The following MAP2K3 variants were observed in gnomAD, a reference collection of about 807,000 sequenced individuals.
MAP2K3 encodes the protein dual specificity mitogen-activated protein kinase kinase 3.
A neutral mutation model predicts 46.4 loss-of-function variants in MAP2K3; 30 were observed. The observed-to-expected ratio is 0.65, with a 90% CI of 0.48 to 0.88. MAP2K3 has a LOEUF of 0.88. MAP2K3 is among the 40% of genes least tolerant of loss of function. MAP2K3 has a pLI of 0.00. For missense variants in MAP2K3, 380 were observed against 464.5 expected, an observed-to-expected ratio of 0.82 and a Z score of 1.67; for synonymous variants, 189 against 176.3, an observed-to-expected ratio of 1.07 and a Z score of -0.57.
At chr17:21,302,418 C>T (rs551804954) in intron 6 of MAP2K3, among the ~76,000 whole-genome samples, 159 bp downstream of exon 6, 18 of 152,418 alleles carry the variant, frequency 1.2e-4, no homozygotes, top group African/African-American at 4.3e-4. Flanking sequence ...AGGCCCTTCT[C>T]CTCCACCCCA....
At chr17:21,298,315 C>T in intron 1 of MAP2K3, 98 bp from the exon 2 acceptor site, 1 of 1,549,310 alleles carries the variant, frequency 6.5e-7, no homozygotes, top group Non-Finnish European at 8.9e-7. Flanking sequence ...ATGGCAGAGG[C>T]TGGCACCCTT....
rs996449350 is a variant in MAP2K3, at chr17:21,295,899, TGGACCCCACAG to T, written c.50-2510_50-2500del. 3.1e-6 allele frequency: 4 copies of T among 1,273,482 alleles called. No homozygotes were observed. In the Admixed American group the frequency reaches 9.3e-5, roughly 30 times the overall value. 78.9% of individuals were successfully genotyped at this position (1,273,482 alleles called of 1,614,324 possible). A position where few individuals can be genotyped will look rare whatever the true frequency, so the allele number is the denominator to read the frequency against. On this transcript the variant is annotated intron_variant, in intron 1 of 11. Coordinates refer to ENST00000342679, the MANE Select transcript of MAP2K3 (RefSeq NM_145109.3). ...GAGAGAGTGCAGGGAGGGTGTGGCG[TGGACCCCACAG>T]GGAAAGGGTGGGACTCAAGGGGCTG...
In MAP2K3 at chr17:21,284,804, C is replaced by G; in HGVS notation, c.-117C>G. ...GTCGCCGCCGCCGCCGCCGCCGCCG[C>G]CGCTGCTCCTCCGCCTGGCCTGGGC... On this transcript the variant is annotated 5_prime_UTR_variant, in exon 1 of 12. Coordinates refer to ENST00000342679, the MANE Select transcript of MAP2K3 (RefSeq NM_145109.3). 8.2e-7 allele frequency: 1 copy of G among 1,215,432 alleles called. No individual in the cohort carries two copies. The allele number at this position is 1,215,432 out of a possible 1,614,324, so 75.3% of individuals were successfully genotyped here.
intron 1 of MAP2K3, among the ~76,000 whole-genome samples, chr17:21,292,926 AC>A (rs1785118044): frequency 1.3e-5 from 2 of 152,306 alleles, no homozygotes; most frequent in African/African-American, 2.4e-5. Context: ...GATTCTATAA[AC>A]CCTGGGCCTC....
chr17:21,303,527 T>G (rs1389305384), intron 7 of MAP2K3, among the ~76,000 whole-genome samples: 3 of 152,312 alleles, frequency 2.0e-5, no homozygotes, highest in Admixed American at 6.5e-5. Context: ...CATATAATCA[T>G]GTTCACACCC....
chr17:21,298,927 G>A lies in MAP2K3; in HGVS notation c.165+1G>A, dbSNP rs762048822. The stretch of plus-strand genomic sequence containing the variant: ...GACCTTCATCACCATTGGAGACAGA[G>A]TAGGTGCCAGCCGCCACCCCTGCAG... On this transcript the variant is annotated splice_donor_variant, in intron 3 of 11. Transcript: ENST00000342679. LOFTEE classifies it high-confidence loss of function. The A allele has an allele frequency of 3.7e-6, 6 of 1,614,246 alleles. No individual in the cohort carries two copies. The highest frequency in any genetic ancestry group is 3.3e-4 in the Middle Eastern group (2 of 6,062).
At chr17:21,293,615 A>G (rs1428448193) in intron 1 of MAP2K3, among the ~76,000 whole-genome samples, 1 of 152,310 alleles carries the variant, frequency 6.6e-6, no homozygotes, top group Non-Finnish European at 1.5e-5. Context: ...CCTGTAGGGT[A>G]GAGAGGTGGG....
At chr17:21,298,774 A>G in intron 2 of MAP2K3, 104 bp from the exon 3 acceptor site, 1 of 1,549,774 alleles carries the variant, frequency 6.5e-7, no homozygotes, top group Non-Finnish European at 8.9e-7. Flanking sequence ...CCGGGGCAGG[A>G]GGCACCTCGT....
intron 3 of MAP2K3, 93 bp downstream of exon 3, chr17:21,299,019 T>G: frequency 1.3e-6 from 2 of 1,572,978 alleles, no homozygotes; most frequent in Non-Finnish European, 1.7e-6. Flanking sequence ...GGGAGGTGAC[T>G]GAGGGGTCAG....
intron 1 of MAP2K3, among the ~76,000 whole-genome samples, chr17:21,295,354 C>T (rs1269983406): frequency 6.6e-6 from 1 of 152,312 alleles, no homozygotes; most frequent in Non-Finnish European, 1.5e-5. Context: ...TTCCTTGCCC[C>T]TGCCTGGGGG....
rs1453559867 is a variant in MAP2K3 at position 21,284,757 on chromosome 17, C to T, written c.-164C>T. 3.0e-6 allele frequency: 2 copies of T among 669,098 alleles called. No individual in the cohort carries two copies. Among genetic ancestry groups the T allele is most frequent in the South Asian group, 2.7e-5 (1 of 37,316 alleles). The allele number at this position is 669,098 out of a possible 1,614,324, so 41.4% of individuals were successfully genotyped here. ...GTCGCGGACTCGTCCTTGCTGCAGT[C>T]GCCGCCGCAGTCCTCGCCGCAGTCG... On this transcript the variant is annotated 5_prime_UTR_variant, in exon 1 of 12. Transcript: ENST00000342679.
At chr17:21,305,905 C>T (rs1976870333) in intron 9 of MAP2K3, among the ~76,000 whole-genome samples, 1 of 152,308 alleles carries the variant, frequency 6.6e-6, no homozygotes. Context: ...ATGGAGTGTC[C>T]TGGGCGTCAG....
At chr17:21,308,470 TG>T (rs1191671648) in intron 9 of MAP2K3, among the ~76,000 whole-genome samples, 3 of 152,296 alleles carry the variant, frequency 2.0e-5, no homozygotes, top group African/African-American at 7.2e-5. Flanking sequence ...GCCTGGCCTG[TG>T]GCTGTAACTT....
intron 1 of MAP2K3, among the ~76,000 whole-genome samples, chr17:21,292,255 C>T (rs1975982727): frequency 6.6e-6 from 1 of 152,306 alleles, no homozygotes; most frequent in South Asian, 2.1e-4. Flanking sequence ...TTTGTTTCTT[C>T]TTTTCTTTAA....
At chr17:21,295,952 C>T in intron 1 of MAP2K3, 5 of 1,250,152 alleles carry the variant, frequency 4.0e-6, no homozygotes, top group Non-Finnish European at 5.2e-6. Context: ...AGGTCAAGGC[C>T]CAGGGTCTCT....
intron 9 of MAP2K3, among the ~76,000 whole-genome samples, chr17:21,310,193 G>A (rs1977098875): frequency 6.6e-6 from 1 of 152,008 alleles, no homozygotes; most frequent in East Asian, 1.9e-4. Flanking sequence ...GTTTTTAGTA[G>A]AGATGGGGTT....
Position 21,296,150 on chromosome 17 carries a change from C to T in MAP2K3, c.50-2263C>T, listed in dbSNP as rs4997719. The T allele has an allele frequency of 4.2e-3, 5,400 of 1,284,102 alleles. No homozygotes were observed. In the African/African-American group the frequency reaches 0.083, roughly 20 times the overall value. 79.5% of individuals were successfully genotyped at this position (1,284,102 alleles called of 1,614,324 possible). ...AACAGGTCCCCATCTGCGCAGTGAACCCTGTGCTGAGCACCTTGCAGACGT... is the reference window on the plus strand; with the variant it reads ...AACAGGTCCCCATCTGCGCAGTGAATCCTGTGCTGAGCACCTTGCAGACGT... On this transcript the variant is annotated intron_variant, in intron 1 of 11. Coordinates refer to ENST00000342679, the MANE Select transcript of MAP2K3 (RefSeq NM_145109.3).
intron 5 of MAP2K3, among the ~76,000 whole-genome samples, chr17:21,301,610 C>A (rs1976604838): frequency 6.6e-6 from 1 of 152,430 alleles, no homozygotes; most frequent in Non-Finnish European, 1.5e-5. Context: ...ACTCGTCACT[C>A]ATGAAGAGCT....
intron 1 of MAP2K3, chr17:21,296,085 G>C (rs781733274): frequency 3.9e-6 from 5 of 1,289,348 alleles, no homozygotes; most frequent in Middle Eastern, 2.1e-4. Flanking sequence ...CACCTCTGCA[G>C]AGAGGCTGGT....
Sources: allele counts gnomAD v4.1 joint callset (sites outside exome capture counted in the v4.1 genomes callset), GRCh38; gene constraint gnomAD v4.1.1; transcripts MANE v1.5; gene names NCBI Gene and HGNC (gene_info 2026-07-23, HGNC 2026-07-21).